Variants in BRD2 observed in about 807,000 individuals in gnomAD.
BRD2 encodes the protein bromodomain-containing protein 2.
BRD2 carries 15 observed loss-of-function variants against 79.1 expected under a neutral mutation model. The observed-to-expected ratio is 0.19, with a 90% CI of 0.13 to 0.29. The LOEUF (loss-of-function observed/expected upper bound fraction) is 0.29. Among genes scored for constraint, BRD2 ranks in the 10% least tolerant of loss-of-function variants. The pLI is 1.00. For missense variants in BRD2, 1,053 were observed against 991.3 expected, an observed-to-expected ratio of 1.06 and a Z score of -0.84; for synonymous variants, 488 against 358.6, an observed-to-expected ratio of 1.36 and a Z score of -4.08.
chr6:32,976,523 C>T (rs377566231), intron 6 of BRD2, 39 bp from the exon 7 acceptor site: 37 of 1,594,228 alleles, frequency 2.3e-5, no homozygotes, highest in South Asian at 2.0e-4. Flanking sequence ...GTAAAGTGGG[C>T]TTGGAGTGAC....
rs1454301864 is a variant in BRD2, at chr6:32,972,002, T to A, written c.-897T>A. On this transcript the variant is annotated 5_prime_UTR_variant, in exon 2 of 13. Coordinates refer to ENST00000374825, the MANE Select transcript of BRD2 (RefSeq NM_005104.4). ...CACCTTGGAAATGAAGTTTATGACG[T>A]CATCGTTGCGGCTGGCCAATAGAAA... 1 of 702,402 alleles carries A rather than the reference T, an allele frequency of 1.4e-6. No individual in the cohort carries two copies. Among genetic ancestry groups the A allele is most frequent in the African/African-American group, 1.7e-5 (1 of 57,160 alleles). The allele number at this position is 702,402 out of a possible 1,614,324, so 43.5% of individuals were successfully genotyped here.
chr6:32,970,594 C>T (rs1252339455), intron 1 of BRD2: 3 of 152,360 alleles, frequency 2.0e-5, no homozygotes, highest in African/African-American at 7.2e-5. Flanking sequence ...TTTGTTTTCT[C>T]CCTGGTAGCG....
In BRD2 at chr6:32,981,000, G is replaced by T. The variant is rs1006516857; in HGVS notation, c.*282G>T. On this transcript the variant is annotated 3_prime_UTR_variant, in exon 13 of 13. Transcript: ENST00000374825. ...CAGGGCAAGGGTGGGAGTGTGCAAA[G>T]CCCTGATCTGGAGTTACCTGAGGCC... 205 of 452,168 alleles carry T rather than the reference G, an allele frequency of 4.5e-4. 2 individuals carry two copies. The highest frequency in any genetic ancestry group is 3.5e-3 in the African/African-American group (179 of 51,054). The allele number at this position is 452,168 out of a possible 1,614,324, so 28.0% of individuals were successfully genotyped here.
chr6:32,977,921 TGAGGAGGACGAG>T lies in BRD2; in HGVS notation c.1500_1511del (p.Asp501_Glu504del), dbSNP rs769812097. 3 of 1,612,630 alleles carry T rather than the reference TGAGGAGGACGAG, an allele frequency of 1.9e-6. No homozygotes were observed. Among genetic ancestry groups the T allele is most frequent in the Non-Finnish European group, 2.5e-6 (3 of 1,179,802 alleles). On this transcript the variant is annotated inframe_deletion, in exon 9 of 13. Transcript: ENST00000374825. ...CCTCTGAGGAAGAGGAGGAGGAAGA[TGAGGAGGACGAG>T]GAGGAAGAAGAGAGTGAAAGCTCAG...
intron 4 of BRD2, among the ~76,000 whole-genome samples, chr6:32,975,756 G>T (rs1490799705): frequency 6.6e-6 from 1 of 152,196 alleles, no homozygotes; most frequent in Non-Finnish European, 1.5e-5. Context: ...TGGTGGTCCT[G>T]TTTCTTAGAA....
rs1777669643 is a variant in BRD2, at chr6:32,968,745, GCCC to G, written c.-1613_-1611del. 6.6e-6 allele frequency: 1 copy of G among 152,648 alleles called. No homozygotes were observed. Among genetic ancestry groups the G allele is most frequent in the African/African-American group, 2.4e-5 (1 of 41,256 alleles). 9.5% of individuals were successfully genotyped at this position (152,648 alleles called of 1,614,324 possible). ...TCGGGACATAGGCCTGGGCCATGCG[GCCC>G]CCTTGGCCCCTTGGCGCGACCCCCA... On this transcript the variant is annotated 5_prime_UTR_variant, in exon 1 of 13. Transcript: ENST00000374825.
rs1178159832 is a variant in BRD2 at position 32,980,819 on chromosome 6, T to TCC, written c.*102_*103insCC. ...CCCTTTGCTGTGACACTTCTTCATC[T>TCC]CACCCCCCCCCGCCCCCCTCTAGGA... is the stretch of plus-strand genomic sequence containing the variant. On this transcript the variant is annotated 3_prime_UTR_variant, in exon 13 of 13. Coordinates refer to ENST00000374825, the MANE Select transcript of BRD2 (RefSeq NM_005104.4). 3.6e-6 allele frequency: 5 copies of TCC among 1,387,810 alleles called. No individual in the cohort carries two copies. In the South Asian group the frequency reaches 3.7e-5, roughly 10 times the overall value. The allele number at this position is 1,387,810 out of a possible 1,614,324, so 86.0% of individuals were successfully genotyped here. A position where few individuals can be genotyped will look rare whatever the true frequency, so the allele number is the denominator to read the frequency against.
At chr6:32,977,246 ATTTCT>A (rs1778887016) in intron 7 of BRD2, 191 bp from the exon 8 acceptor site, 17 of 1,537,598 alleles carry the variant, frequency 1.1e-5, no homozygotes, top group Non-Finnish European at 1.4e-5. Context: ...CTTAGAAATG[ATTTCT>A]TTTTCTAGAC....
intron 2 of BRD2, chr6:32,973,222 C>G (rs949384573): frequency 6.9e-7 from 1 of 1,444,850 alleles, no homozygotes. Flanking sequence ...TGAGGTTGAA[C>G]AGCAGGTTTG....
rs1214903233 is a variant in BRD2 at position 32,979,885 on chromosome 6, A to AGAG, written c.1908_1910dup (p.Glu638dup). 6.2e-7 allele frequency: 1 copy of AGAG among 1,613,148 alleles called. No homozygotes were observed. The highest frequency in any genetic ancestry group is 8.5e-7 in the Non-Finnish European group (1 of 1,180,028). ...CTGCCCTGCCTACAGGTTATGATTCAGAGGAGGAGGAAGAGAGCAGGCCCA... is the reference window on the plus strand; with the variant it reads ...CTGCCCTGCCTACAGGTTATGATTCAGAGGAGGAGGAGGAAGAGAGCAGGCCCA... On this transcript the variant is annotated inframe_insertion, in exon 11 of 13. Transcript: ENST00000374825.
In BRD2 at chr6:32,974,521, G is replaced by A; in HGVS notation, c.89G>A (p.Gly30Glu). Residue 30 changes from glycine (G) to glutamate (E), a missense_variant, in exon 3 of 13, where the codon GGG (glycine) becomes GAG (glutamate). By Grantham distance (98) the Gly-to-Glu change is moderately conservative. Around this residue, in one of 5 missense-constraint regions of BRD2, gnomAD observed 413 missense variants for 335.1 expected, o/e 1.23. Coordinates refer to ENST00000374825, the MANE Select transcript of BRD2 (RefSeq NM_005104.4). ...CTGGGCCCAGAAGCAGCAGCACCAG[G>A]GAAGAGGATTCGAAAACCCTCTCTC... is the stretch of plus-strand genomic sequence containing the variant. ...LGLGPEAAAP[G>E]KRIRKPSLLY... is the part of the protein sequence containing the mutation. 1.2e-6 allele frequency: 2 copies of A among 1,614,138 alleles called. No individual in the cohort carries two copies. The highest frequency in any genetic ancestry group is 1.7e-6 in the Non-Finnish European group (2 of 1,179,984).
intron 2 of BRD2, 104 bp downstream of exon 2, chr6:32,973,031 G>A (rs72865879): frequency 3.3e-5 from 53 of 1,611,598 alleles, no homozygotes; most frequent in South Asian, 5.5e-5. Context: ...GCGCGCTGCT[G>A]TTGCGGCGCA....
chr6:32,972,070 C>G lies in BRD2; in HGVS notation c.-829C>G, dbSNP rs1049507229. On this transcript the variant is annotated 5_prime_UTR_variant, in exon 2 of 13. Coordinates refer to ENST00000374825, the MANE Select transcript of BRD2 (RefSeq NM_005104.4). ...TGTTCCTTCCCCTTCGACTCAGCTT[C>G]TTCACCCGCGTGAGCGAGCGCGCGC... 1 of 698,444 alleles carries G rather than the reference C, an allele frequency of 1.4e-6. No homozygotes were observed. Among genetic ancestry groups the G allele is most frequent in the Non-Finnish European group, 2.6e-6 (1 of 382,950 alleles). The allele number at this position is 698,444 out of a possible 1,614,324, so 43.3% of individuals were successfully genotyped here.
chr6:32,973,731 A>C (rs1443072158), intron 2 of BRD2, among the ~76,000 whole-genome samples: 1 of 152,082 alleles, frequency 6.6e-6, no homozygotes, highest in African/African-American at 2.4e-5. Flanking sequence ...GAAGGGGGCT[A>C]TCACTTGGTG....
At position 32,971,645 on chromosome 6, in the gene BRD2, C is replaced by G; in HGVS notation, c.-1254C>G. ...CCGAGAACCACCACCCGCCAGGCGT[C>G]TTGCGGCCACACCCCTGGCGGGTTC... On this transcript the variant is annotated 5_prime_UTR_variant, in exon 2 of 13. Coordinates refer to ENST00000374825, the MANE Select transcript of BRD2 (RefSeq NM_005104.4). The G allele has an allele frequency of 2.3e-6, 1 of 430,320 alleles. No individual in the cohort carries two copies. The highest frequency in any genetic ancestry group is 5.6e-5 in the South Asian group (1 of 17,792). 26.7% of individuals were successfully genotyped at this position (430,320 alleles called of 1,614,324 possible).
At chr6:32,973,385 C>G (rs1479152665) in intron 2 of BRD2, among the ~76,000 whole-genome samples, 2 of 152,088 alleles carry the variant, frequency 1.3e-5, no homozygotes, top group African/African-American at 4.8e-5. Context: ...GATCACTCTC[C>G]CGTGTGTGCA....
intron 3 of BRD2, chr6:32,975,002 C>T (rs1490974787): frequency 1.9e-5 from 29 of 1,522,678 alleles, no homozygotes; most frequent in Non-Finnish European, 2.6e-5. Flanking sequence ...AACTTTTGTG[C>T]CCTGGCTCCA....
At chr6:32,979,473 G>GT (rs927078517) in intron 10 of BRD2, 37 of 289,806 alleles carry the variant, frequency 1.3e-4, no homozygotes, top group East Asian at 1.4e-4. Context: ...ACTTTACGGA[G>GT]TTTTTTTTAG....
In BRD2 at chr6:32,976,182, G is replaced by A; in HGVS notation, c.610+13G>A. 1 of 1,597,528 alleles carries A rather than the reference G, an allele frequency of 6.3e-7. No homozygotes were observed. Among genetic ancestry groups the A allele is most frequent in the Non-Finnish European group, 8.5e-7 (1 of 1,174,518 alleles). ...GCCAAGTTGGCAGGTAGGAAGAGTG[G>A]GAGTTTTGCAAATGGACAACTAAAG... On this transcript the variant is annotated intron_variant, in intron 5 of 12. Transcript: ENST00000374825.
Sources: gnomAD v4.1 joint callset for allele counts (sites outside exome capture counted in the v4.1 genomes callset) on GRCh38, gnomAD v4.1.1 for gene constraint, gnomAD v4.1.1 regional missense constraint, MANE v1.5 for transcripts, NCBI Gene and HGNC (gene_info 2026-07-23, HGNC 2026-07-21) for gene names.